The following PLXDC2 variants were observed in gnomAD, a reference collection of about 807,000 sequenced individuals.
PLXDC2 encodes the protein plexin domain containing 2.
PLXDC2 carries 40 observed loss-of-function variants against 68.9 expected under a neutral mutation model. That is an observed-to-expected ratio of 0.58 (90% confidence interval 0.45 to 0.76). PLXDC2 has a LOEUF of 0.76. Ranked by LOEUF, PLXDC2 falls within the 30% of genes least tolerant of loss-of-function variation. PLXDC2 has a pLI of 0.00. For synonymous variants in PLXDC2, 243 were observed against 234.2 expected, an observed-to-expected ratio of 1.04 and a Z score of -0.34; for missense variants, 644 against 661.9, an observed-to-expected ratio of 0.97 and a Z score of 0.30.
At chr10:19,958,341 C>A (rs564781916) in intron 1 of PLXDC2, among the ~76,000 whole-genome samples, 31 of 152,144 alleles carry the variant, frequency 2.0e-4, no homozygotes, top group Non-Finnish European at 4.0e-4. Flanking sequence ...CGTTTAGATT[C>A]CTTTCTGAAC....
chr10:20,155,054 A>G (rs189726716), intron 6 of PLXDC2, among the ~76,000 whole-genome samples: 107 of 152,262 alleles, frequency 7.0e-4, no homozygotes, highest in African/African-American at 2.4e-3. Context: ...AATCTATTCT[A>G]TTTAAGTATT....
intron 1 of PLXDC2, among the ~76,000 whole-genome samples, chr10:19,858,753 G>T (rs1343963564): frequency 2.0e-5 from 3 of 152,058 alleles, no homozygotes; most frequent in Non-Finnish European, 4.4e-5. Flanking sequence ...GAGGTAAAAG[G>T]TTTCATAATG....
chr10:19,827,240 CT>C (rs1246217372), intron 1 of PLXDC2, among the ~76,000 whole-genome samples: 1 of 152,174 alleles, frequency 6.6e-6, no homozygotes, highest in African/African-American at 2.4e-5. Flanking sequence ...CATAATTATC[CT>C]TGTACTGATA....
At chr10:19,934,713 T>C (rs1482648478) in intron 1 of PLXDC2, among the ~76,000 whole-genome samples, 2 of 152,256 alleles carry the variant, frequency 1.3e-5, no homozygotes, top group Non-Finnish European at 2.9e-5. Flanking sequence ...AGTGTTCTAG[T>C]TTAGCAGTGC....
chr10:19,828,287 C>T (rs768418955), intron 1 of PLXDC2, among the ~76,000 whole-genome samples: 13 of 152,230 alleles, frequency 8.5e-5, no homozygotes, highest in Non-Finnish European at 1.6e-4. Context: ...TGATTCATTT[C>T]GATCCCATTG....
intron 4 of PLXDC2, among the ~76,000 whole-genome samples, chr10:20,108,900 GTGA>G (rs1833524210): frequency 6.6e-6 from 1 of 152,150 alleles, no homozygotes; most frequent in Admixed American, 6.5e-5. Context: ...TAAATGTTTT[GTGA>G]TGCAATCAAG....
At chr10:20,271,019 G>C (rs1835933130) in intron 13 of PLXDC2, among the ~76,000 whole-genome samples, 1 of 151,646 alleles carries the variant, frequency 6.6e-6, no homozygotes, top group African/African-American at 2.4e-5. Flanking sequence ...ACTAGTAGTA[G>C]AAGTTGAAAC....
At chr10:20,055,644 A>T (rs542967140) in intron 3 of PLXDC2, among the ~76,000 whole-genome samples, 2 of 152,246 alleles carry the variant, frequency 1.3e-5, no homozygotes, top group South Asian at 4.1e-4. Context: ...CAAGTGAGAC[A>T]CAAGTTTATC....
chr10:19,857,338 C>T (rs976209603), intron 1 of PLXDC2, among the ~76,000 whole-genome samples: 1 of 152,178 alleles, frequency 6.6e-6, no homozygotes, highest in Non-Finnish European at 1.5e-5. Context: ...ACATCTGCAA[C>T]CGACACACTT....
At chr10:20,111,037 C>A (rs1375098359) in intron 4 of PLXDC2, among the ~76,000 whole-genome samples, 1 of 152,178 alleles carries the variant, frequency 6.6e-6, no homozygotes, top group African/African-American at 2.4e-5. Flanking sequence ...AGTGTCTTTA[C>A]TTTCTCTCCT....
chr10:20,088,135 T>G (rs1833225716), intron 4 of PLXDC2, among the ~76,000 whole-genome samples: 1 of 152,198 alleles, frequency 6.6e-6, no homozygotes, highest in South Asian at 2.1e-4. Flanking sequence ...ACTAGAGACC[T>G]AAGCAGCCTG....
intron 1 of PLXDC2, among the ~76,000 whole-genome samples, chr10:19,948,394 T>TTTC (rs1833939335): frequency 3.1e-5 from 3 of 97,208 alleles, no homozygotes; most frequent in Admixed American, 2.9e-4. Flanking sequence ...TTCTTTCTTT[T>TTTC]TTTTTTTTTT....
chr10:19,895,127 G>A (rs923442681), intron 1 of PLXDC2, among the ~76,000 whole-genome samples: 2 of 152,158 alleles, frequency 1.3e-5, no homozygotes, highest in Non-Finnish European at 2.9e-5. Context: ...GTCCTTTGCA[G>A]GGACATGGAT....
intron 4 of PLXDC2, among the ~76,000 whole-genome samples, chr10:20,124,592 T>G (rs1833744859): frequency 6.6e-6 from 1 of 151,980 alleles, no homozygotes; most frequent in African/African-American, 2.4e-5. Context: ...ACATGGCTGT[T>G]TATTTCACCT....
intron 12 of PLXDC2, among the ~76,000 whole-genome samples, chr10:20,220,443 T>C (rs1835194366): frequency 6.6e-6 from 1 of 152,156 alleles, no homozygotes; most frequent in Non-Finnish European, 1.5e-5. Context: ...GGGTGGTCAT[T>C]ATATGTATAT....
intron 4 of PLXDC2, among the ~76,000 whole-genome samples, chr10:20,117,177 C>T (rs1833633765): frequency 1.3e-5 from 2 of 151,878 alleles, no homozygotes; most frequent in South Asian, 4.1e-4. Flanking sequence ...ATAACAGTAG[C>T]TTCAAAAGAG....
intron 2 of PLXDC2, among the ~76,000 whole-genome samples, chr10:20,033,286 T>C (rs899986860): frequency 6.6e-6 from 1 of 151,622 alleles, no homozygotes; most frequent in African/African-American, 2.4e-5. Context: ...ATTGAGGCAG[T>C]GGATTAAAGA....
intron 1 of PLXDC2, among the ~76,000 whole-genome samples, chr10:19,892,631 C>A (rs1837984798): frequency 6.6e-6 from 1 of 151,996 alleles, no homozygotes; most frequent in Non-Finnish European, 1.5e-5. Context: ...CTATAAAAGC[C>A]CAATCCTATA....
intron 1 of PLXDC2, among the ~76,000 whole-genome samples, chr10:19,906,756 C>CGT (rs201606836): frequency 0.016 from 2,508 of 152,206 alleles, 28 homozygotes; most frequent in Non-Finnish European, 0.026. Context: ...ATGCTGTGTA[C>CGT]GTGTGTGTGT....
Sources: gnomAD v4.1 joint callset for allele counts (sites outside exome capture counted in the v4.1 genomes callset) on GRCh38, gnomAD v4.1.1 for gene constraint, MANE v1.5 for transcripts, NCBI Gene and HGNC (gene_info 2026-07-23, HGNC 2026-07-21) for gene names.